The following SH3KBP1 variants were observed in gnomAD, a reference collection of about 807,000 sequenced individuals.
SH3KBP1 encodes the protein SH3 domain-containing kinase-binding protein 1.
Under a neutral mutation model 50.1 loss-of-function variants are expected in SH3KBP1, and 8 were observed. The ratio of observed to expected loss-of-function variants is 0.16; its 90% CI spans 0.09 to 0.29. The LOEUF (loss-of-function observed/expected upper bound fraction) is 0.29. SH3KBP1 is among the 10% of genes least tolerant of loss of function. The pLI, the probability that SH3KBP1 is intolerant of heterozygous loss-of-function variation, is 1.00. For synonymous variants in SH3KBP1, 227 were observed against 218.6 expected, an observed-to-expected ratio of 1.04 and a Z score of -0.34; for missense variants, 377 against 535.2, an observed-to-expected ratio of 0.70 and a Z score of 2.92.
intron 2 of SH3KBP1, among the ~76,000 whole-genome samples, chrX:19,786,527 G>A (rs1380340552): frequency 8.9e-6 from 1 of 112,098 alleles, no homozygotes; most frequent in East Asian, 2.8e-4. Flanking sequence ...AATTATCTTC[G>A]TTTATTATGT....
intron 12 of SH3KBP1, among the ~76,000 whole-genome samples, chrX:19,587,685 T>C (rs1292382669): frequency 8.9e-6 from 1 of 111,838 alleles, no homozygotes; most frequent in African/African-American, 3.3e-5. Flanking sequence ...GGTGAGAGGA[T>C]AGAGTAGCCA....
In SH3KBP1 at chrX:19,878,472, T is replaced by TTGTGTGTGTG. The variant is rs56786885; in HGVS notation, c.4+8825_4+8834dup. On this transcript the variant is annotated intron_variant, in intron 1 of 17. Transcript: ENST00000397821. ...GTATGTGCCACCACGCCTGGCTAAT[T>TTGTGTGTGTG]TGTGTGTGTGTGTGTGTGTGTGTGT... 4.6e-3 allele frequency among the ~76,000 whole-genome samples: 334 copies of TTGTGTGTGTG among 73,014 alleles called. 8 individuals carry two copies. The highest frequency in any genetic ancestry group is 0.021 in the African/African-American group (317 of 15,306). The allele number at this position is 73,014 out of a possible 115,157, so 63.4% of individuals were successfully genotyped here. A position where few individuals can be genotyped will look rare whatever the true frequency, so the allele number is the denominator to read the frequency against.
intron 14 of SH3KBP1, 108 bp from the exon 15 acceptor site, chrX:19,546,158 T>C (rs1173419277): frequency 1.1e-6 from 1 of 928,430 alleles, no homozygotes; most frequent in African/African-American, 1.9e-5. Context: ...TGCTATTTTG[T>C]CTTCTCACGA....
At chrX:19,670,839 C>CAAAAGAAAAAAAAAAA in intron 6 of SH3KBP1, 1 of 991,860 alleles carries the variant, frequency 1.0e-6, no homozygotes, top group Non-Finnish European at 1.3e-6. Flanking sequence ...ACTCTAAAAG[C>CAAAAGAAAAAAAAAAA]AAAAAAAAAA....
chrX:19,861,085 A>C (rs2068763071), intron 1 of SH3KBP1, among the ~76,000 whole-genome samples: 1 of 111,999 alleles, frequency 8.9e-6, no homozygotes, highest in Admixed American at 9.5e-5. Flanking sequence ...AGTTAAAAAT[A>C]AAAACAGCAG....
chrX:19,771,736 C>T (rs1053894763), intron 2 of SH3KBP1, among the ~76,000 whole-genome samples: 1 of 108,897 alleles, frequency 9.2e-6, no homozygotes, highest in Non-Finnish European at 1.9e-5. Flanking sequence ...TGGTGGTGCG[C>T]ACCAGTAATC....
intron 2 of SH3KBP1, among the ~76,000 whole-genome samples, chrX:19,763,175 G>A (rs1021549293): frequency 9.0e-6 from 1 of 111,419 alleles, no homozygotes; most frequent in Non-Finnish European, 1.9e-5. Context: ...GGCAACTGAG[G>A]GACAAATTCC....
intron 2 of SH3KBP1, among the ~76,000 whole-genome samples, chrX:19,809,341 T>C (rs759285100): frequency 3.4e-4 from 38 of 111,186 alleles, no homozygotes; most frequent in Non-Finnish European, 6.6e-4. Context: ...CTGGCCAACA[T>C]GGTGAAACCC....
intron 2 of SH3KBP1, among the ~76,000 whole-genome samples, chrX:19,790,949 G>A (rs1382855886): frequency 9.0e-6 from 1 of 110,792 alleles, no homozygotes; most frequent in Non-Finnish European, 1.9e-5. Context: ...TCTGGGTATT[G>A]TCTCCCAACT....
At chrX:19,592,722 C>T (rs944696406) in intron 10 of SH3KBP1, among the ~76,000 whole-genome samples, 5 of 111,854 alleles carry the variant, frequency 4.5e-5, no homozygotes, top group Non-Finnish European at 7.5e-5. Context: ...CATAAAAGTC[C>T]CTGTAGTTTA....
At chrX:19,726,437 A>G (rs756880489) in intron 3 of SH3KBP1, among the ~76,000 whole-genome samples, 1 of 111,734 alleles carries the variant, frequency 8.9e-6, no homozygotes, top group East Asian at 2.8e-4. Flanking sequence ...CAACATTTGC[A>G]TAGGTAACTA....
chrX:19,798,900 C>G (rs2066805979), intron 2 of SH3KBP1, among the ~76,000 whole-genome samples: 1 of 112,118 alleles, frequency 8.9e-6, no homozygotes, highest in Non-Finnish European at 1.9e-5. Context: ...AGTAGTCCTG[C>G]GAGGTGGTAG....
intron 6 of SH3KBP1, among the ~76,000 whole-genome samples, chrX:19,660,749 C>T: frequency 8.9e-6 from 1 of 112,025 alleles, no homozygotes; most frequent in Non-Finnish European, 1.9e-5. Flanking sequence ...AACAGAAAGC[C>T]TTTTATTGAA....
At chrX:19,862,611 A>T (rs2068805753) in intron 1 of SH3KBP1, among the ~76,000 whole-genome samples, 1 of 110,840 alleles carries the variant, frequency 9.0e-6, no homozygotes, top group Admixed American at 9.6e-5. Flanking sequence ...GCCTCAAACT[A>T]GATACTATTC....
At chrX:19,660,559 T>C (rs989699314) in intron 6 of SH3KBP1, among the ~76,000 whole-genome samples, 4 of 111,473 alleles carry the variant, frequency 3.6e-5, no homozygotes, top group African/African-American at 1.3e-4. Flanking sequence ...AACAAAGAGC[T>C]TTCAGGTCAA....
intron 2 of SH3KBP1, among the ~76,000 whole-genome samples, chrX:19,751,080 T>C (rs1252396352): frequency 8.9e-6 from 1 of 111,743 alleles, no homozygotes; most frequent in Non-Finnish European, 1.9e-5. Flanking sequence ...AAACCTTAGC[T>C]TCCCTCCACA....
chrX:19,579,441 T>C (rs1239731063), intron 12 of SH3KBP1, among the ~76,000 whole-genome samples: 1 of 112,155 alleles, frequency 8.9e-6, no homozygotes, highest in Non-Finnish European at 1.9e-5. Context: ...CATGTGACTG[T>C]GAGAAAAGTT....
At chrX:19,851,966 C>A (rs986055389) in intron 1 of SH3KBP1, among the ~76,000 whole-genome samples, 1 of 111,875 alleles carries the variant, frequency 8.9e-6, no homozygotes. Flanking sequence ...GTCCCTTGAG[C>A]TCTTCTAGAA....
intron 2 of SH3KBP1, among the ~76,000 whole-genome samples, chrX:19,782,296 T>C (rs778052665): frequency 8.9e-6 from 1 of 111,862 alleles, no homozygotes; most frequent in South Asian, 3.7e-4. Flanking sequence ...AGGCAAGAAA[T>C]GGCTTCTCCC....
Sources: gnomAD v4.1 joint callset for allele counts (sites outside exome capture counted in the v4.1 genomes callset) on GRCh38, gnomAD v4.1.1 for gene constraint, MANE v1.5 for transcripts, NCBI Gene and HGNC (gene_info 2026-07-23, HGNC 2026-07-21) for gene names.